CDK14: variants seen among roughly 807,000 people sequenced by gnomAD.
CDK14 encodes cyclin-dependent kinase 14.
In CDK14, 34 loss-of-function variants were observed where a neutral mutation model predicts 60.7. The ratio of observed to expected loss-of-function variants is 0.56; its 90% CI spans 0.43 to 0.75. The LOEUF (loss-of-function observed/expected upper bound fraction) is 0.75, where lower values mean the gene tolerates loss of function less well. Ranked by LOEUF, CDK14 falls within the 30% of genes least tolerant of loss-of-function variation. CDK14 has a pLI of 0.00. For missense variants in CDK14, 482 were observed against 564.1 expected (o/e 0.85, Z 1.47); for synonymous variants, 197 against 203.7 (o/e 0.97, Z 0.28).
At chr7:91,149,438 G>C (rs967831302) in intron 14 of CDK14, among the ~76,000 whole-genome samples, 7 of 152,238 alleles carry the variant, frequency 4.6e-5, no homozygotes, top group Admixed American at 4.6e-4. Flanking sequence ...GAAGCAAATT[G>C]CTGATGGACT....
chr7:90,794,065 G>A (rs143001958), intron 5 of CDK14, among the ~76,000 whole-genome samples: 2,296 of 152,088 alleles, frequency 0.015, 49 homozygotes, highest in African/African-American at 0.051. Flanking sequence ...TTAAAGCTGG[G>A]TGTCCGGGGG....
At chr7:91,034,939 TACAC>T (rs1424202298) in intron 10 of CDK14, among the ~76,000 whole-genome samples, 1 of 94,516 alleles carries the variant, frequency 1.1e-5, no homozygotes, top group Admixed American at 1.3e-4. Flanking sequence ...CACACACACA[TACAC>T]ATACACACAC....
At chr7:91,062,298 C>T (rs1797825074) in intron 11 of CDK14, among the ~76,000 whole-genome samples, 1 of 152,172 alleles carries the variant, frequency 6.6e-6, no homozygotes, top group Non-Finnish European at 1.5e-5. Flanking sequence ...TGCTGTCTGT[C>T]ACCCCTTTCC....
At chr7:90,988,395 GC>G (rs1029490107) in intron 10 of CDK14, among the ~76,000 whole-genome samples, 1 of 152,102 alleles carries the variant, frequency 6.6e-6, no homozygotes, top group Non-Finnish European at 1.5e-5. Context: ...AGGTAAATAG[GC>G]ACCTAATTCT....
intron 12 of CDK14, among the ~76,000 whole-genome samples, chr7:91,102,627 A>C (rs567025779): frequency 6.6e-6 from 1 of 152,164 alleles, no homozygotes; most frequent in South Asian, 2.1e-4. Flanking sequence ...TAAAAAAAAA[A>C]AACCCTAAAT....
intron 9 of CDK14, among the ~76,000 whole-genome samples, chr7:90,956,469 A>G (rs1794414711): frequency 6.6e-6 from 1 of 152,168 alleles, no homozygotes; most frequent in Admixed American, 6.6e-5. Flanking sequence ...CAAACAATCA[A>G]ATAAGGGAAT....
In CDK14 at chr7:90,711,882, A is replaced by ACGTTTTTTT. The variant is rs1408956904; in HGVS notation, c.124-14685_124-14684insCGTTTTTTT. 8.1e-5 allele frequency among the ~76,000 whole-genome samples: 9 copies of ACGTTTTTTT among 110,820 alleles called. 2 individuals carry two copies. Among genetic ancestry groups the ACGTTTTTTT allele is most frequent in the Admixed American group, 1.0e-4 (1 of 9,524 alleles). 72.7% of individuals were successfully genotyped at this position (110,820 alleles called of 152,430 possible). A position where few individuals can be genotyped will look rare whatever the true frequency, so the allele number is the denominator to read the frequency against. ...GTTCTTATGGAACTTATAGTCTACT[A>ACGTTTTTTT]TGTTTTTTTTTTTTTTTTTCAATTG... is the stretch of plus-strand genomic sequence containing the variant. On this transcript the variant is annotated intron_variant, in intron 2 of 14. Transcript: ENST00000380050.
At chr7:90,758,389 C>G (rs917011540) in intron 4 of CDK14, among the ~76,000 whole-genome samples, 1 of 152,038 alleles carries the variant, frequency 6.6e-6, no homozygotes. Flanking sequence ...GTTCTCTCTT[C>G]TAAATTCCTG....
intron 8 of CDK14, among the ~76,000 whole-genome samples, chr7:90,938,632 T>C (rs1793824533): frequency 6.6e-6 from 1 of 152,216 alleles, no homozygotes; most frequent in Admixed American, 6.5e-5. Flanking sequence ...CAACAATGAA[T>C]GCTAATGTAA....
chr7:90,994,468 G>A (rs1795623780), intron 10 of CDK14, among the ~76,000 whole-genome samples: 1 of 152,158 alleles, frequency 6.6e-6, no homozygotes, highest in South Asian at 2.1e-4. Flanking sequence ...GAAGGGAAGG[G>A]GACATAGATC....
At chr7:90,765,944 G>A (rs957470684) in intron 4 of CDK14, among the ~76,000 whole-genome samples, 4 of 152,118 alleles carry the variant, frequency 2.6e-5, no homozygotes, top group Non-Finnish European at 5.9e-5. Flanking sequence ...TATTTCATAT[G>A]CTCCATGTAA....
intron 5 of CDK14, among the ~76,000 whole-genome samples, chr7:90,790,988 T>C (rs560799532): frequency 6.6e-6 from 1 of 152,192 alleles, no homozygotes; most frequent in Non-Finnish European, 1.5e-5. Context: ...ATTGATGATT[T>C]TTAAGGAAAA....
chr7:91,202,016 T>C (rs1057218178), intron 14 of CDK14, among the ~76,000 whole-genome samples: 5 of 152,166 alleles, frequency 3.3e-5, no homozygotes, highest in African/African-American at 1.2e-4. Flanking sequence ...TCTAATCAAT[T>C]GGTCTGTGTC....
chr7:90,682,845 T>C (rs1801348823), intron 2 of CDK14, among the ~76,000 whole-genome samples: 1 of 152,208 alleles, frequency 6.6e-6, no homozygotes, highest in Non-Finnish European at 1.5e-5. Flanking sequence ...CCTCATGTTA[T>C]GTTTATGTAA....
intron 1 of CDK14, among the ~76,000 whole-genome samples, chr7:90,602,155 C>A (rs1799329812): frequency 6.6e-6 from 1 of 152,108 alleles, no homozygotes; most frequent in Non-Finnish European, 1.5e-5. Flanking sequence ...TAAGAAAACA[C>A]ATGGCTAAAT....
At chr7:90,918,664 G>A (rs1179659692) in intron 8 of CDK14, among the ~76,000 whole-genome samples, 1 of 152,200 alleles carries the variant, frequency 6.6e-6, no homozygotes, top group African/African-American at 2.4e-5. Flanking sequence ...ATTAAGAATG[G>A]AATGAAAATA....
At chr7:91,096,625 G>T (rs1233384391) in intron 12 of CDK14, among the ~76,000 whole-genome samples, 2 of 152,020 alleles carry the variant, frequency 1.3e-5, no homozygotes. Context: ...CTATCCTCAT[G>T]GGTATGCAAT....
At chr7:90,653,417 C>A (rs1800687575) in intron 2 of CDK14, among the ~76,000 whole-genome samples, 1 of 152,022 alleles carries the variant, frequency 6.6e-6, no homozygotes, top group African/African-American at 2.4e-5. Context: ...TAGATTCGCA[C>A]CTGTTGGCTC....
intron 2 of CDK14, among the ~76,000 whole-genome samples, chr7:90,649,256 C>CTTTGTTTCTTTG (rs1303940369): frequency 0.049 from 2,279 of 46,964 alleles, 323 homozygotes; most frequent in East Asian, 0.092. Flanking sequence ...TTCTTTCTTT[C>CTTTGTTTCTTTG]TTTCTTTCTT....
Sources: gnomAD v4.1 joint callset for allele counts (sites outside exome capture counted in the v4.1 genomes callset) on GRCh38, gnomAD v4.1.1 for gene constraint, MANE v1.5 for transcripts, NCBI Gene and HGNC (gene_info 2026-07-23, HGNC 2026-07-21) for gene names.